The following MACROD2 variants were observed in gnomAD, a reference collection of about 807,000 sequenced individuals.
MACROD2 encodes the protein ADP-ribose glycohydrolase MACROD2.
A neutral mutation model predicts 70.4 loss-of-function variants in MACROD2; 36 were observed. The observed-to-expected ratio is 0.51, with a 90% CI of 0.39 to 0.68. The LOEUF is 0.68. MACROD2 is among the 30% of genes least tolerant of loss of function. The pLI, the probability that MACROD2 is intolerant of heterozygous loss-of-function variation, is 0.00. For missense variants in MACROD2, 496 were observed against 538.4 expected, an observed-to-expected ratio of 0.92 and a Z score of 0.78; for synonymous variants, 172 against 178.8, an observed-to-expected ratio of 0.96 and a Z score of 0.30.
At chr20:15,621,656 C>T (rs539636241) in intron 8 of MACROD2, among the ~76,000 whole-genome samples, 2 of 152,082 alleles carry the variant, frequency 1.3e-5, no homozygotes, top group Non-Finnish European at 2.9e-5. Flanking sequence ...CTTTCATGTT[C>T]CTGATGTCTT....
chr20:14,645,756 G>A (rs779065043), intron 4 of MACROD2, among the ~76,000 whole-genome samples: 3 of 151,888 alleles, frequency 2.0e-5, no homozygotes, highest in Non-Finnish European at 2.9e-5. Flanking sequence ...TCAAAAGTAC[G>A]TGGTGCTCAA....
At chr20:16,003,123 A>ACACAC (rs1555806741) in intron 15 of MACROD2, among the ~76,000 whole-genome samples, 1 of 134,328 alleles carries the variant, frequency 7.4e-6, no homozygotes, top group Non-Finnish European at 1.6e-5. Flanking sequence ...CACACACACA[A>ACACAC]ACAATCTCTA....
intron 5 of MACROD2, among the ~76,000 whole-genome samples, chr20:15,148,987 G>C (rs554022001): frequency 7.2e-5 from 11 of 152,136 alleles, no homozygotes; most frequent in Non-Finnish European, 1.3e-4. Flanking sequence ...GAGGAATTAC[G>C]TCTGACAGAA....
chr20:15,012,834 T>G (rs2075093477), intron 5 of MACROD2, among the ~76,000 whole-genome samples: 1 of 152,120 alleles, frequency 6.6e-6, no homozygotes, highest in African/African-American at 2.4e-5. Context: ...GAAGCACAAT[T>G]GCAGTTTGAA....
intron 6 of MACROD2, among the ~76,000 whole-genome samples, chr20:15,403,754 C>G (rs1158033149): frequency 6.6e-6 from 1 of 152,104 alleles, no homozygotes; most frequent in Non-Finnish European, 1.5e-5. Flanking sequence ...GAACTTAGCC[C>G]ATGAGATTGC....
At chr20:14,776,758 A>T (rs1297212172) in intron 5 of MACROD2, among the ~76,000 whole-genome samples, 2 of 151,940 alleles carry the variant, frequency 1.3e-5, no homozygotes, top group African/African-American at 4.9e-5. Context: ...ATACTGCTTG[A>T]TGAAATTTTA....
At chr20:14,798,896 T>G (rs2122132438) in intron 5 of MACROD2, among the ~76,000 whole-genome samples, 1 of 152,176 alleles carries the variant, frequency 6.6e-6, no homozygotes, top group East Asian at 1.9e-4. Context: ...ATATTCAGAT[T>G]TTGTATGATG....
chr20:14,017,557 A>G (rs1045598366), intron 2 of MACROD2, among the ~76,000 whole-genome samples: 10 of 152,070 alleles, frequency 6.6e-5, no homozygotes, highest in African/African-American at 1.4e-4. Context: ...TGCATTTTCT[A>G]TATAAGTTTA....
intron 6 of MACROD2, among the ~76,000 whole-genome samples, chr20:15,424,745 A>G (rs540521263): frequency 1.3e-5 from 2 of 152,194 alleles, no homozygotes; most frequent in African/African-American, 4.8e-5. Flanking sequence ...AAGGGAAAGA[A>G]TGGTATTCTG....
At chr20:15,625,502 G>A (rs932850162) in intron 8 of MACROD2, among the ~76,000 whole-genome samples, 3 of 152,056 alleles carry the variant, frequency 2.0e-5, no homozygotes, top group African/African-American at 4.8e-5. Context: ...AAATAAAAAA[G>A]GTAAGAAATG....
chr20:15,229,731 A>G (rs942897356), intron 5 of MACROD2, among the ~76,000 whole-genome samples: 2 of 152,194 alleles, frequency 1.3e-5, no homozygotes, highest in South Asian at 2.1e-4. Flanking sequence ...CCTTTTCACA[A>G]TTATCATTTT....
At chr20:14,382,251 G>A (rs1026997272) in intron 3 of MACROD2, among the ~76,000 whole-genome samples, 7 of 151,708 alleles carry the variant, frequency 4.6e-5, no homozygotes, top group Admixed American at 1.3e-4. Context: ...TAGTAGAGAC[G>A]GGGTTTCACC....
chr20:15,744,919 A>G (rs12481609), intron 8 of MACROD2, among the ~76,000 whole-genome samples: 19,859 of 151,288 alleles, frequency 0.13, 1,468 homozygotes, highest in Non-Finnish European at 0.16. Flanking sequence ...TGTGAGTTGT[A>G]TCTCTTTTTG....
rs558193568 is a variant in MACROD2, at chr20:14,071,845, G to A, written c.164-13776G>A. Among the ~76,000 whole-genome samples the A allele has an allele frequency of 9.2e-5, 14 of 152,168 alleles. No homozygotes were observed. The East Asian group carries it at 2.7e-3, about 30-fold the overall frequency. ...AGCACTTTTGGAGGCCAAGGCGGAA[G>A]GATTGCTTGAGGCCAGGAGTTCAAG... is the stretch of plus-strand genomic sequence containing the variant. On this transcript the variant is annotated intron_variant, in intron 2 of 17. Transcript: ENST00000684519.
chr20:14,196,511 C>T (rs1362354622), intron 3 of MACROD2, among the ~76,000 whole-genome samples: 1 of 152,216 alleles, frequency 6.6e-6, no homozygotes, highest in Non-Finnish European at 1.5e-5. Context: ...GATGGCTTCA[C>T]AGCATTCCTC....
At chr20:15,162,936 C>T (rs1415444915) in intron 5 of MACROD2, among the ~76,000 whole-genome samples, 1 of 151,954 alleles carries the variant, frequency 6.6e-6, no homozygotes, top group African/African-American at 2.4e-5. Flanking sequence ...AAATAATATG[C>T]ATTAAACATT....
chr20:14,137,605 A>G (rs1019354479), intron 3 of MACROD2, among the ~76,000 whole-genome samples: 2 of 152,232 alleles, frequency 1.3e-5, no homozygotes, highest in East Asian at 3.8e-4. Context: ...TCATATTCTT[A>G]TCCTACATCA....
At chr20:14,799,862 T>G (rs2072553619) in intron 5 of MACROD2, among the ~76,000 whole-genome samples, 1 of 152,104 alleles carries the variant, frequency 6.6e-6, no homozygotes, top group South Asian at 2.1e-4. Context: ...ATGGAAGAAA[T>G]ATTCTTGTCT....
chr20:15,606,238 T>C (rs1013688459), intron 8 of MACROD2, among the ~76,000 whole-genome samples: 10 of 152,158 alleles, frequency 6.6e-5, no homozygotes, highest in Admixed American at 6.6e-4. Context: ...TAGCAGAACA[T>C]ATAAGAATTT....
Sources: gnomAD v4.1 joint callset for allele counts (sites outside exome capture counted in the v4.1 genomes callset) on GRCh38, gnomAD v4.1.1 for gene constraint, MANE v1.5 for transcripts, NCBI Gene and HGNC (gene_info 2026-07-23, HGNC 2026-07-21) for gene names.